Variants in KCNN2 observed in about 807,000 individuals in gnomAD.
KCNN2 encodes small conductance calcium-activated potassium channel protein 2.
KCNN2 carries 24 observed loss-of-function variants against 55.5 expected under a neutral mutation model. The observed-to-expected ratio is 0.43, with a 90% CI of 0.31 to 0.61. The LOEUF is 0.61. Among genes scored for constraint, KCNN2 ranks in the 20% least tolerant of loss-of-function variants. The pLI, the probability that KCNN2 is intolerant of heterozygous loss-of-function variation, is 0.08. For synonymous variants in KCNN2, 431 were observed against 336.1 expected, an observed-to-expected ratio of 1.28 and a Z score of -3.09; for missense variants, 754 against 853.6, an observed-to-expected ratio of 0.88 and a Z score of 1.45.
chr5:114,197,855 A>G (rs1324169708), intron 1 of KCNN2, among the ~76,000 whole-genome samples: 2 of 152,174 alleles, frequency 1.3e-5, no homozygotes, highest in East Asian at 1.9e-4. Context: ...TCATGGCTCA[A>G]ATGCCACAGA....
intron 2 of KCNN2, among the ~76,000 whole-genome samples, chr5:114,244,071 T>C (rs1361552054): frequency 6.6e-6 from 1 of 152,186 alleles, no homozygotes; most frequent in African/African-American, 2.4e-5. Context: ...TATGAATGCA[T>C]GTGAGAATGC....
chr5:114,165,707 T>C (rs184792043), intron 1 of KCNN2, among the ~76,000 whole-genome samples: 5 of 152,308 alleles, frequency 3.3e-5, no homozygotes, highest in Admixed American at 3.3e-4. Flanking sequence ...TATGATTTTC[T>C]TAATAACATT....
At chr5:114,470,979 A>G (rs72801861) in intron 4 of KCNN2, among the ~76,000 whole-genome samples, 136 of 152,318 alleles carry the variant, frequency 8.9e-4, no homozygotes, top group Non-Finnish European at 1.5e-3. Context: ...GTTAAAAACT[A>G]CCAATTTAAA....
At chr5:114,441,083 G>C (rs1254059334) in intron 3 of KCNN2, among the ~76,000 whole-genome samples, 2 of 152,040 alleles carry the variant, frequency 1.3e-5, no homozygotes. Flanking sequence ...GCAAAAACTA[G>C]TAGGAATAAA....
intron 3 of KCNN2, among the ~76,000 whole-genome samples, chr5:114,446,352 A>T (rs1485142802): frequency 4.6e-5 from 7 of 152,252 alleles, no homozygotes; most frequent in African/African-American, 1.7e-4. Flanking sequence ...AAATTGAAAT[A>T]GCCCTGTTAT....
At chr5:114,340,551 A>G (rs1756997046) in intron 2 of KCNN2, among the ~76,000 whole-genome samples, 1 of 152,184 alleles carries the variant, frequency 6.6e-6, no homozygotes, top group African/African-American at 2.4e-5. Flanking sequence ...TAAAAATGGT[A>G]TATATTTAAG....
chr5:114,453,736 C>A (rs1024574065), intron 3 of KCNN2, among the ~76,000 whole-genome samples: 2 of 152,150 alleles, frequency 1.3e-5, no homozygotes, highest in African/African-American at 4.8e-5. Flanking sequence ...TACATTCTAA[C>A]TGCATTACGG....
chr5:114,465,163 G>A (rs1216151604), intron 4 of KCNN2, among the ~76,000 whole-genome samples: 1 of 152,028 alleles, frequency 6.6e-6, no homozygotes, highest in Admixed American at 6.6e-5. Context: ...ACCTTGCCTG[G>A]GTTTTACAAA....
At chr5:114,339,160 A>G (rs257466) in intron 2 of KCNN2, among the ~76,000 whole-genome samples, 68,845 of 152,062 alleles carry the variant, frequency 0.45, 16,244 homozygotes, top group East Asian at 0.86. Flanking sequence ...AAGAAACAAT[A>G]CTTGATAGGG....
At chr5:114,237,258 A>T (rs960047386) in intron 2 of KCNN2, among the ~76,000 whole-genome samples, 1 of 93,978 alleles carries the variant, frequency 1.1e-5, no homozygotes, top group African/African-American at 5.8e-5. Flanking sequence ...GTCAAAATTC[A>T]CACACACACA....
In KCNN2 at chr5:114,272,362, TAC is replaced by T. The variant is rs1332667829; in HGVS notation, c.-185+50805_-185+50806del. ...CACATATATGTATGTACATACCATATACACACACATATGTATGTACATATATA... is the reference window on the plus strand; with the variant it reads ...CACATATATGTATGTACATACCATATACACACATATGTATGTACATATATA... On this transcript the variant is annotated intron_variant, in intron 2 of 10. Coordinates refer to the KCNN2 transcript ENST00000512097. Among the ~76,000 whole-genome samples, 58 of 126,358 alleles carry T rather than the reference TAC, an allele frequency of 4.6e-4. 4 individuals carry two copies. Among genetic ancestry groups the T allele is most frequent in the South Asian group, 2.2e-3 (8 of 3,680 alleles). 82.9% of individuals were successfully genotyped at this position (126,358 alleles called of 152,430 possible). A position where few individuals can be genotyped will look rare whatever the true frequency, so the allele number is the denominator to read the frequency against.
chr5:114,159,530 G>A (rs543198784), intron 1 of KCNN2, among the ~76,000 whole-genome samples: 3 of 152,158 alleles, frequency 2.0e-5, no homozygotes, highest in African/African-American at 7.2e-5. Flanking sequence ...AATGAGTTAG[G>A]AAGGATTCCC....
intron 1 of KCNN2, among the ~76,000 whole-genome samples, chr5:114,083,329 A>G (rs1750863884): frequency 6.6e-6 from 1 of 152,002 alleles, no homozygotes; most frequent in Non-Finnish European, 1.5e-5. Flanking sequence ...TTAAGATAGA[A>G]GCTTAGATAA....
chr5:114,496,042 C>G lies in KCNN2; in HGVS notation c.2236C>G (p.Gln746Glu), dbSNP rs374817299. 13 of 1,613,962 alleles carry G rather than the reference C, an allele frequency of 8.1e-6. No individual in the cohort carries two copies. The highest frequency in any genetic ancestry group is 1.1e-5 in the Non-Finnish European group (13 of 1,179,982). The change falls in exon 8 of 8, where the codon CAG (glutamine) becomes GAG (glutamate). Residue 746 changes from glutamine (Q) to glutamate (E), a missense_variant. Around this residue, in one of 4 missense-constraint regions of KCNN2, gnomAD observed 164 missense variants for 156.6 expected, o/e 1.05. Transcript: ENST00000673685. The stretch of plus-strand genomic sequence containing the variant: ...TGGGCTCATAAGCCAGACCATCAGG[C>G]AGCAGCAGAGAGATTTCATTGAGGC... ...LPGLISQTIR[Q>E]QQRDFIEAQM...
At chr5:114,084,928 A>G (rs1467754236) in intron 1 of KCNN2, among the ~76,000 whole-genome samples, 1 of 151,768 alleles carries the variant, frequency 6.6e-6, no homozygotes, top group Non-Finnish European at 1.5e-5. Context: ...TTCTCCTTTG[A>G]ATTGCCTTTA....
Position 114,473,058 on chromosome 5 carries a change from C to T in KCNN2, c.1784C>T (p.Ala595Val). ...GVCLLTGIMG[A>V]GCTALVVAVV... ...CTCTTCTCTCCTTGTTTTCAGGGTG[C>T]TGGTTGCACAGCCCTGGTGGTAGCT... Residue 595 changes from alanine (A) to valine (V), a missense_variant, in exon 5 of 8, where the codon GCT (alanine) becomes GTT (valine). Around this residue, in one of 4 missense-constraint regions of KCNN2, gnomAD observed 86 missense variants for 233.0 expected, o/e 0.37. Coordinates refer to ENST00000673685, the MANE Select transcript of KCNN2 (RefSeq NM_021614.4). 1.2e-6 allele frequency: 2 copies of T among 1,603,034 alleles called. No homozygotes were observed. Among genetic ancestry groups the T allele is most frequent in the Admixed American group, 1.7e-5 (1 of 59,096 alleles).
chr5:114,406,151 C>T (rs1349024912), intron 3 of KCNN2, among the ~76,000 whole-genome samples: 2 of 149,938 alleles, frequency 1.3e-5, no homozygotes, highest in Non-Finnish European at 3.0e-5. Flanking sequence ...CCAGCCCATT[C>T]CAGCTTTCCA....
intron 5 of KCNN2, among the ~76,000 whole-genome samples, chr5:114,475,853 C>T (rs1401009311): frequency 6.6e-6 from 1 of 152,068 alleles, no homozygotes; most frequent in Admixed American, 6.6e-5. Context: ...ACAAAGTTTT[C>T]TGATGATGCT....
chr5:114,233,934 C>A (rs972593962), intron 2 of KCNN2, among the ~76,000 whole-genome samples: 1 of 151,572 alleles, frequency 6.6e-6, no homozygotes, highest in South Asian at 2.1e-4. Context: ...GACACTTGAG[C>A]TTTTCTTTTA....
Sources: gnomAD v4.1 joint callset for allele counts (sites outside exome capture counted in the v4.1 genomes callset) on GRCh38, gnomAD v4.1.1 for gene constraint, gnomAD v4.1.1 regional missense constraint, MANE v1.5 for transcripts, NCBI Gene and HGNC (gene_info 2026-07-23, HGNC 2026-07-21) for gene names.